LRP1B: variants seen among roughly 807,000 people sequenced by gnomAD.
LRP1B encodes low-density lipoprotein receptor-related protein 1B.
In LRP1B, 217 loss-of-function variants were observed where a neutral mutation model predicts 556.6. That is an observed-to-expected ratio of 0.39 (90% CI 0.35 to 0.44). The LOEUF (loss-of-function observed/expected upper bound fraction) is 0.44. Among genes scored for constraint, LRP1B ranks in the 20% least tolerant of loss-of-function variants. The probability of loss-of-function intolerance (pLI) is 1.00; values close to 1 mark genes in which losing one functional copy is unlikely to be tolerated. For missense variants in LRP1B, 5,053 were observed against 5,620.8 expected (o/e 0.90, Z 3.23); for synonymous variants, 2,047 against 1,865.8 (o/e 1.10, Z -2.50).
chr2:140,425,937 G>C (rs1160263114), intron 66 of LRP1B, among the ~76,000 whole-genome samples: 1 of 152,040 alleles, frequency 6.6e-6, no homozygotes, highest in East Asian at 1.9e-4. Flanking sequence ...TTGGATTCCT[G>C]GAGTTACTAA....
chr2:141,369,322 A>G lies in LRP1B; in HGVS notation c.343+111074T>C, dbSNP rs566897263. On this transcript the variant is annotated intron_variant, in intron 3 of 90. Coordinates refer to ENST00000389484, the MANE Select transcript of LRP1B (RefSeq NM_018557.3). ...ACCTAATTTTCAAACATTTACATCA[A>G]GAGATAGGTAACATAGGTGAAAGAA... Among the ~76,000 whole-genome samples the G allele has an allele frequency of 7.9e-5, 12 of 152,252 alleles. 1 individual carries two copies. In the South Asian group the frequency reaches 2.5e-3, roughly 32 times the overall value.
At chr2:140,905,113 C>T (rs1443521156) in intron 22 of LRP1B, among the ~76,000 whole-genome samples, 1 of 152,130 alleles carries the variant, frequency 6.6e-6, no homozygotes, top group African/African-American at 2.4e-5. Context: ...CTTGACCAAA[C>T]ACTAGTCAGG....
At position 140,700,151 on chromosome 2, in the gene LRP1B, A is replaced by T; in HGVS notation, c.6799+99T>A. 3 of 1,076,480 alleles carry T rather than the reference A, an allele frequency of 2.8e-6. No individual in the cohort carries two copies. The Admixed American group carries it at 6.8e-5, about 24-fold the overall frequency. 66.7% of individuals were successfully genotyped at this position (1,076,480 alleles called of 1,614,324 possible). A position where few individuals can be genotyped will look rare whatever the true frequency, so the allele number is the denominator to read the frequency against. On this transcript the variant is annotated intron_variant, in intron 41 of 90. Coordinates refer to ENST00000389484, the MANE Select transcript of LRP1B (RefSeq NM_018557.3). ...ACATTCATTCCTGAATATAAAATCT[A>T]GGAAAATGTAATTGCTACATGCAAT...
intron 3 of LRP1B, among the ~76,000 whole-genome samples, chr2:141,308,149 C>G (rs1343944125): frequency 1.3e-5 from 2 of 152,128 alleles, no homozygotes; most frequent in African/African-American, 4.8e-5. Context: ...CAGTATATAA[C>G]CCCACCAGAG....
In LRP1B at chr2:141,690,401, ATATATATATATAT is replaced by A. The variant is rs1691475547; in HGVS notation, c.205+119865_205+119877del. On this transcript the variant is annotated intron_variant, in intron 2 of 90. Transcript: ENST00000389484. Reference sequence around the variant, plus strand: ...GAAAAGGGATTACATCTATAAATATATATATATATATATATATATATATATATATATATATATA... The same window carrying A: ...GAAAAGGGATTACATCTATAAATATAATATATATATATATATATATATATA... Among the ~76,000 whole-genome samples, 735 of 107,520 alleles carry A rather than the reference ATATATATATATAT, an allele frequency of 6.8e-3. 38 individuals are homozygous for A. Among genetic ancestry groups the A allele is most frequent in the South Asian group, 0.048 (149 of 3,096 alleles). The allele number at this position is 107,520 out of a possible 152,430, so 70.5% of individuals were successfully genotyped here.
intron 82 of LRP1B, among the ~76,000 whole-genome samples, chr2:140,320,588 ATT>A (rs370919427): frequency 1.6e-4 from 23 of 145,316 alleles, no homozygotes; most frequent in African/African-American, 4.8e-4. Context: ...GGAGCGCTAC[ATT>A]TTTTTTTTTT....
chr2:141,425,040 G>C (rs547094400), intron 3 of LRP1B, among the ~76,000 whole-genome samples: 30 of 150,974 alleles, frequency 2.0e-4, no homozygotes, highest in African/African-American at 5.6e-4. Flanking sequence ...TTTAGCATTA[G>C]GTATATCTCC....
At chr2:140,545,807 T>G (rs1321668367) in intron 43 of LRP1B, among the ~76,000 whole-genome samples, 1 of 152,082 alleles carries the variant, frequency 6.6e-6, no homozygotes, top group Non-Finnish European at 1.5e-5. Flanking sequence ...ATTTCAATGG[T>G]AGTTTAACCA....
chr2:140,527,382 C>T (rs148511046), intron 47 of LRP1B, among the ~76,000 whole-genome samples: 2 of 151,590 alleles, frequency 1.3e-5, no homozygotes, highest in East Asian at 1.9e-4. Flanking sequence ...TTTAAAGAGC[C>T]TATTTAATTA....
intron 3 of LRP1B, among the ~76,000 whole-genome samples, chr2:141,309,124 C>T (rs1302261576): frequency 1.3e-5 from 2 of 152,094 alleles, no homozygotes; most frequent in Admixed American, 6.6e-5. Context: ...GAGATACTGC[C>T]AGGATTCTCT....
intron 9 of LRP1B, among the ~76,000 whole-genome samples, chr2:141,058,324 T>C (rs937477829): frequency 2.0e-5 from 3 of 152,006 alleles, no homozygotes; most frequent in African/African-American, 4.8e-5. Flanking sequence ...GCTTTTTATA[T>C]TCTCTTTTTT....
chr2:140,240,651 A>G (rs1318618479), intron 87 of LRP1B, among the ~76,000 whole-genome samples: 5 of 150,938 alleles, frequency 3.3e-5, no homozygotes. Context: ...GCTTTTATCT[A>G]CTTTGAATAA....
At chr2:140,971,577 C>G (rs1183521289) in intron 18 of LRP1B, among the ~76,000 whole-genome samples, 1 of 152,184 alleles carries the variant, frequency 6.6e-6, no homozygotes, top group Non-Finnish European at 1.5e-5. Flanking sequence ...GTGTCTCATG[C>G]CTGTAATCCC....
At chr2:141,477,332 A>T (rs1014672160) in intron 3 of LRP1B, among the ~76,000 whole-genome samples, 1 of 151,870 alleles carries the variant, frequency 6.6e-6, no homozygotes, top group Non-Finnish European at 1.5e-5. Flanking sequence ...TCCAAAAAGA[A>T]AGGTAACGTT....
chr2:140,519,881 C>T (rs1426808570), intron 49 of LRP1B, among the ~76,000 whole-genome samples: 2 of 152,192 alleles, frequency 1.3e-5, no homozygotes, highest in Non-Finnish European at 2.9e-5. Context: ...ATCCACTGGT[C>T]ATCAGAGAAA....
chr2:142,001,514 T>G (rs1454561159), intron 1 of LRP1B, among the ~76,000 whole-genome samples: 3 of 152,190 alleles, frequency 2.0e-5, no homozygotes, highest in East Asian at 1.9e-4. Flanking sequence ...ATGGACTGAT[T>G]GCAAAAACAC....
intron 3 of LRP1B, among the ~76,000 whole-genome samples, chr2:141,331,522 C>CTTTCTCTTTCTTTCTTTCTTTCTTTCTT (rs10694161): frequency 2.4e-4 from 34 of 140,818 alleles, no homozygotes; most frequent in Non-Finnish European, 2.0e-4. Flanking sequence ...TTCTTTCTTT[C>CTTTCTCTTTCTTTCTTTCTTTCTTTCTT]TCTTTCTTTC....
intron 1 of LRP1B, among the ~76,000 whole-genome samples, chr2:141,974,773 T>G (rs1701838768): frequency 6.6e-6 from 1 of 152,088 alleles, no homozygotes; most frequent in Non-Finnish European, 1.5e-5. Flanking sequence ...TGTTCCAATT[T>G]TCCAACCAAA....
chr2:140,375,827 G>C (rs1210475029), intron 68 of LRP1B, among the ~76,000 whole-genome samples: 2 of 151,974 alleles, frequency 1.3e-5, no homozygotes, highest in African/African-American at 4.8e-5. Flanking sequence ...GTGTGCCACA[G>C]AGATAAATAC....
Sources: gnomAD v4.1 joint callset for allele counts (sites outside exome capture counted in the v4.1 genomes callset) on GRCh38, gnomAD v4.1.1 for gene constraint, MANE v1.5 for transcripts, NCBI Gene and HGNC (gene_info 2026-07-23, HGNC 2026-07-21) for gene names.